The following ANKRD62 variants were observed in gnomAD, a reference collection of about 807,000 sequenced individuals.
ANKRD62 encodes the protein ankyrin repeat domain-containing protein 62.
A neutral mutation model predicts 98.8 loss-of-function variants in ANKRD62; 61 were observed. That is an observed-to-expected ratio of 0.62 (90% CI 0.50 to 0.76). The LOEUF (loss-of-function observed/expected upper bound fraction) is 0.76. ANKRD62 is among the 30% of genes least tolerant of loss of function. ANKRD62 has a pLI of 0.00. For synonymous variants in ANKRD62, 341 were observed against 367.9 expected (o/e 0.93, Z 0.84); for missense variants, 933 against 1,082.9 (o/e 0.86, Z 1.94).
intron 11 of ANKRD62, 22 bp downstream of exon 11, chr18:12,122,538 G>T: frequency 6.7e-7 from 1 of 1,490,468 alleles, no homozygotes; most frequent in South Asian, 1.3e-5. Context: ...TAGTTTTAAA[G>T]AAATATTTCA....
chr18:12,171,905 C>G, the ANKRD62 span, among the ~76,000 whole-genome samples: 1 of 152,148 alleles, frequency 6.6e-6, no homozygotes, highest in Non-Finnish European at 1.5e-5. Flanking sequence ...CACTGATACC[C>G]TTTCTTCCAC....
rs1318637309 is a variant in ANKRD62 at position 12,099,610 on chromosome 18, C to T, written c.753-5C>T. ...TAATTGTATTTACTGCATTTTGATACATAGCATTCGTGGAATGATTTCTGA... is the reference window on the plus strand; with the variant it reads ...TAATTGTATTTACTGCATTTTGATATATAGCATTCGTGGAATGATTTCTGA... On this transcript the variant is annotated splice_region_variant and splice_polypyrimidine_tract_variant and intron_variant, in intron 5 of 13. Coordinates refer to ENST00000587848, the MANE Select transcript of ANKRD62 (RefSeq NM_001277333.2). 1.4e-6 allele frequency: 2 copies of T among 1,468,974 alleles called. No individual in the cohort carries two copies. Among genetic ancestry groups the T allele is most frequent in the Admixed American group, 2.3e-5 (1 of 43,660 alleles). The allele number at this position is 1,468,974 out of a possible 1,614,324, so 91.0% of individuals were successfully genotyped here.
chr18:12,181,167 G>T, the ANKRD62 span, among the ~76,000 whole-genome samples: 1 of 151,378 alleles, frequency 6.6e-6, no homozygotes, highest in Admixed American at 6.6e-5. Flanking sequence ...AAATAAAATG[G>T]CAGCATAGCT....
the ANKRD62 span, among the ~76,000 whole-genome samples, chr18:12,175,247 G>A: frequency 2.0e-5 from 3 of 152,200 alleles, no homozygotes; most frequent in Non-Finnish European, 4.4e-5. Context: ...AGGATCTGCT[G>A]TTCTCTGTAC....
chr18:12,160,445 A>G, the ANKRD62 span, among the ~76,000 whole-genome samples: 2 of 152,148 alleles, frequency 1.3e-5, no homozygotes, highest in Non-Finnish European at 2.9e-5. Context: ...GCCTCCTTTT[A>G]TATGAGAGAA....
At chr18:12,109,557 T>TACC (rs1909489804) in intron 8 of ANKRD62, among the ~76,000 whole-genome samples, 1 of 152,258 alleles carries the variant, frequency 6.6e-6, no homozygotes, top group African/African-American at 2.4e-5. Context: ...TTTACTTTGT[T>TACC]ACCAACATAA....
At chr18:12,124,346 A>G in intron 12 of ANKRD62, 26 bp downstream of exon 12, 1 of 781,570 alleles carries the variant, frequency 1.3e-6, no homozygotes. Context: ...GTAAAATTTT[A>G]CATTTCTAAT....
chr18:12,116,165 C>T (rs1197835509), intron 10 of ANKRD62, among the ~76,000 whole-genome samples: 4 of 152,156 alleles, frequency 2.6e-5, no homozygotes, highest in East Asian at 1.9e-4. Context: ...GATACATACC[C>T]GTGTGAAAGT....
At chr18:12,124,395 T>G in intron 12 of ANKRD62, 75 bp downstream of exon 12, 1 of 491,196 alleles carries the variant, frequency 2.0e-6, no homozygotes, top group Non-Finnish European at 3.4e-6. Context: ...CCCTTTGACT[T>G]AGTTCTAAAA....
At chr18:12,161,338 T>A in the ANKRD62 span, among the ~76,000 whole-genome samples, 1 of 152,276 alleles carries the variant, frequency 6.6e-6, no homozygotes, top group Admixed American at 6.5e-5. Flanking sequence ...AGGGAAAAAA[T>A]TCCAGCCTAT....
the ANKRD62 span, among the ~76,000 whole-genome samples, chr18:12,160,366 A>G: frequency 6.6e-6 from 1 of 152,206 alleles, no homozygotes; most frequent in South Asian, 2.1e-4. Context: ...TCTAGGTGAC[A>G]TGTTCCAATA....
the ANKRD62 span, among the ~76,000 whole-genome samples, chr18:12,135,349 A>G: frequency 6.6e-6 from 1 of 150,736 alleles, no homozygotes; most frequent in Admixed American, 6.6e-5. Context: ...AGCTTCATCC[A>G]TGTCCCTACA....
At chr18:12,138,919 T>C in the ANKRD62 span, among the ~76,000 whole-genome samples, 31 of 152,332 alleles carry the variant, frequency 2.0e-4, no homozygotes, top group East Asian at 5.6e-3. Context: ...CATCTCTTTA[T>C]TTTGAGCCTA....
At chr18:12,163,721 G>A in the ANKRD62 span, among the ~76,000 whole-genome samples, 15 of 151,898 alleles carry the variant, frequency 9.9e-5, no homozygotes, top group East Asian at 7.7e-4. Context: ...ATCATGAAGG[G>A]ATGCTGAAGG....
chr18:12,174,140 G>C, the ANKRD62 span, among the ~76,000 whole-genome samples: 2 of 152,172 alleles, frequency 1.3e-5, no homozygotes, highest in Admixed American at 6.5e-5. Flanking sequence ...ATGAGGCATA[G>C]ATTTGGTCTC....
the ANKRD62 span, among the ~76,000 whole-genome samples, chr18:12,152,090 A>AT: frequency 6.6e-6 from 1 of 151,162 alleles, no homozygotes; most frequent in Admixed American, 6.6e-5. Flanking sequence ...ACCAAAAAAA[A>AT]AAAAAGGCCC....
the ANKRD62 span, among the ~76,000 whole-genome samples, chr18:12,176,585 T>C: frequency 8.2e-6 from 1 of 122,392 alleles, no homozygotes. Context: ...CCCAGAAGGG[T>C]GTGGCTAACA....
the ANKRD62 span, among the ~76,000 whole-genome samples, chr18:12,165,243 T>A: frequency 2.0e-5 from 3 of 152,030 alleles, no homozygotes; most frequent in Non-Finnish European, 4.4e-5. Context: ...CTCTGTGTCT[T>A]TTTATTGGAG....
intron 6 of ANKRD62, among the ~76,000 whole-genome samples, chr18:12,100,597 A>G (rs998219469): frequency 6.6e-6 from 1 of 152,192 alleles, no homozygotes; most frequent in Non-Finnish European, 1.5e-5. Flanking sequence ...AAACATCAAT[A>G]AGAACTGTAC....
Sources: gnomAD v4.1 joint callset for allele counts (sites outside exome capture counted in the v4.1 genomes callset) on GRCh38, gnomAD v4.1.1 for gene constraint, MANE v1.5 for transcripts, NCBI Gene and HGNC (gene_info 2026-07-23, HGNC 2026-07-21) for gene names.